PTPRO: variants seen among roughly 807,000 people sequenced by gnomAD.
PTPRO encodes the protein receptor-type tyrosine-protein phosphatase O.
A neutral mutation model predicts 145.2 loss-of-function variants in PTPRO; 62 were observed. The observed-to-expected ratio is 0.43, with a 90% CI of 0.35 to 0.53. PTPRO has a LOEUF of 0.53. Among genes scored for constraint, PTPRO ranks in the 20% least tolerant of loss-of-function variants. The pLI, the probability that PTPRO is intolerant of heterozygous loss-of-function variation, is 0.01. For synonymous variants in PTPRO, 565 were observed against 514.7 expected (o/e 1.10, Z -1.32); for missense variants, 1,345 against 1,482.7 (o/e 0.91, Z 1.53).
At chr12:15,379,677 A>G (rs969883330) in intron 1 of PTPRO, among the ~76,000 whole-genome samples, 3 of 152,190 alleles carry the variant, frequency 2.0e-5, no homozygotes, top group Admixed American at 2.0e-4. Flanking sequence ...AAGGATGCCA[A>G]TCACAAAAGT....
At chr12:15,460,688 A>G (rs536181399) in intron 1 of PTPRO, among the ~76,000 whole-genome samples, 1 of 152,312 alleles carries the variant, frequency 6.6e-6, no homozygotes, top group African/African-American at 2.4e-5. Flanking sequence ...AAGTTTTTGA[A>G]GTTGAAACAT....
At chr12:15,525,183 A>G (rs1409740010) in intron 11 of PTPRO, among the ~76,000 whole-genome samples, 1 of 152,132 alleles carries the variant, frequency 6.6e-6, no homozygotes, top group Non-Finnish European at 1.5e-5. Context: ...CCAACTATTG[A>G]TTTCATTTAT....
intron 26 of PTPRO, 37 bp downstream of exon 26, chr12:15,595,094 T>G (rs1944632535): frequency 1.5e-6 from 2 of 1,312,148 alleles, no homozygotes; most frequent in Non-Finnish European, 2.2e-6. Flanking sequence ...TGCTCAGTCT[T>G]AGAACTATTA....
At chr12:15,554,026 C>T (rs566229746) in intron 15 of PTPRO, among the ~76,000 whole-genome samples, 1 of 152,298 alleles carries the variant, frequency 6.6e-6, no homozygotes, top group South Asian at 2.1e-4. Flanking sequence ...GAAACCCTGT[C>T]TCTACTGAAA....
chr12:15,367,947 C>T (rs923956764), intron 1 of PTPRO, among the ~76,000 whole-genome samples: 1 of 152,156 alleles, frequency 6.6e-6, no homozygotes, highest in African/African-American at 2.4e-5. Context: ...TCTCTTCATG[C>T]CTTTCTGGGT....
At position 15,560,417 on chromosome 12, in the gene PTPRO, A is replaced by G. The variant is rs1943743930; in HGVS notation, c.2711+141A>G. ...TATTAATCATGTATTGAAGTGAATT[A>G]AAGCAGTTACCGGTACAAAGATATT... On this transcript the variant is annotated intron_variant, in intron 17 of 26. Coordinates refer to ENST00000281171, the MANE Select transcript of PTPRO (RefSeq NM_030667.3). 5.8e-6 allele frequency: 4 copies of G among 694,386 alleles called. No individual in the cohort carries two copies. The Admixed American group carries it at 7.5e-5, about 13-fold the overall frequency. The allele number at this position is 694,386 out of a possible 1,614,324, so 43.0% of individuals were successfully genotyped here. A position where few individuals can be genotyped will look rare whatever the true frequency, so the allele number is the denominator to read the frequency against.
chr12:15,549,173 G>C lies in PTPRO; in HGVS notation c.2384G>C (p.Ser795Thr), dbSNP rs373257546. The C allele has an allele frequency of 7.4e-6, 12 of 1,611,246 alleles. No homozygotes were observed. The highest frequency in any genetic ancestry group is 1.0e-5 in the Non-Finnish European group (12 of 1,179,412). ...PATAYNCSVT[S>T]FSHDSPSVPT... ...ACTGCCTACAATTGTAGTGTCACCA[G>C]CTTTAGCCATGACAGCCCCAGTGTC... The change falls in exon 14 of 27, where the codon AGC becomes ACC. Residue 795 changes from serine to threonine, a missense_variant. Ser to Thr is a moderately conservative substitution (Grantham distance 58, BLOSUM62 1). Coordinates refer to ENST00000281171, the MANE Select transcript of PTPRO (RefSeq NM_030667.3).
intron 25 of PTPRO, among the ~76,000 whole-genome samples, chr12:15,591,437 A>G (rs926593818): frequency 6.6e-6 from 1 of 152,096 alleles, no homozygotes; most frequent in Non-Finnish European, 1.5e-5. Context: ...TTCTCCAACT[A>G]CAGATTCTTA....
At position 15,405,676 on chromosome 12, in the gene PTPRO, AC is replaced by A. The variant is rs1939628484; in HGVS notation, c.76-78297del. On this transcript the variant is annotated intron_variant, in intron 1 of 26. Transcript: ENST00000281171. ...ACCATCTTTATTCCCATCTGACTGTACAAAGTATTGGCCGTTAAGAGAATGA... is the reference window on the plus strand; with the variant it reads ...ACCATCTTTATTCCCATCTGACTGTAAAAGTATTGGCCGTTAAGAGAATGA... 1.3e-5 allele frequency among the ~76,000 whole-genome samples: 2 copies of A among 152,344 alleles called. 1 individual carries two copies. The highest frequency in any genetic ancestry group is 4.8e-5 in the African/African-American group (2 of 41,588).
intron 14 of PTPRO, 113 bp from the exon 15 acceptor site, chr12:15,551,438 A>T: frequency 1.5e-6 from 2 of 1,327,088 alleles, no homozygotes; most frequent in Non-Finnish European, 2.1e-6. Context: ...TGTTACTATT[A>T]TTGGTATCAT....
At chr12:15,401,546 C>T (rs1939492691) in intron 1 of PTPRO, among the ~76,000 whole-genome samples, 1 of 152,200 alleles carries the variant, frequency 6.6e-6, no homozygotes, top group Non-Finnish European at 1.5e-5. Flanking sequence ...TTTCAGCTTA[C>T]AAAGTCTACT....
chr12:15,478,967 G>T (rs1488827842), intron 1 of PTPRO, among the ~76,000 whole-genome samples: 5 of 152,036 alleles, frequency 3.3e-5, no homozygotes, highest in Non-Finnish European at 7.4e-5. Context: ...CACCAGGCCC[G>T]GCCATTAAAT....
At chr12:15,397,291 A>G (rs1046139485) in intron 1 of PTPRO, among the ~76,000 whole-genome samples, 3 of 152,180 alleles carry the variant, frequency 2.0e-5, no homozygotes, top group Non-Finnish European at 2.9e-5. Flanking sequence ...AGAAACAACT[A>G]TGTGCCTGCC....
intron 1 of PTPRO, among the ~76,000 whole-genome samples, chr12:15,372,905 G>C (rs1264272560): frequency 1.3e-5 from 2 of 152,110 alleles, no homozygotes; most frequent in Non-Finnish European, 2.9e-5. Flanking sequence ...TTTTGTGCTG[G>C]ATTTGGACTA....
intron 1 of PTPRO, among the ~76,000 whole-genome samples, chr12:15,411,304 C>T (rs1301410761): frequency 1.3e-5 from 2 of 152,154 alleles, no homozygotes; most frequent in African/African-American, 4.8e-5. Flanking sequence ...ATTGTCTACA[C>T]AAAAAACTTA....
chr12:15,429,397 G>T (rs1203328214), intron 1 of PTPRO, among the ~76,000 whole-genome samples: 2 of 152,146 alleles, frequency 1.3e-5, no homozygotes, highest in Non-Finnish European at 2.9e-5. Context: ...CCAAGCCAGG[G>T]CAGGATGATG....
intron 1 of PTPRO, among the ~76,000 whole-genome samples, chr12:15,437,157 G>A (rs1430419547): frequency 6.6e-6 from 1 of 151,762 alleles, no homozygotes; most frequent in African/African-American, 2.4e-5. Context: ...AGATTTCTAG[G>A]CATTCAGAGC....
At chr12:15,551,315 T>C (rs899462464) in intron 14 of PTPRO, among the ~76,000 whole-genome samples, 5 of 152,220 alleles carry the variant, frequency 3.3e-5, no homozygotes, top group Non-Finnish European at 4.4e-5. Context: ...CTGAATGTTG[T>C]AGGCCTTTGA....
At chr12:15,420,491 A>G (rs989162991) in intron 1 of PTPRO, among the ~76,000 whole-genome samples, 10 of 151,596 alleles carry the variant, frequency 6.6e-5, no homozygotes, top group African/African-American at 2.4e-4. Context: ...AATTGTGGAA[A>G]CTCAACTCAG....
Sources: gnomAD v4.1 joint callset for allele counts (sites outside exome capture counted in the v4.1 genomes callset) on GRCh38, gnomAD v4.1.1 for gene constraint, MANE v1.5 for transcripts, NCBI Gene and HGNC (gene_info 2026-07-23, HGNC 2026-07-21) for gene names.